The following CD151 variants were observed in gnomAD, a reference collection of about 807,000 sequenced individuals.
CD151 encodes the protein CD151 antigen.
CD151 carries 20 observed loss-of-function variants against 34.2 expected under a neutral mutation model. That is an observed-to-expected ratio of 0.58 (90% CI 0.41 to 0.85). The LOEUF is 0.85. CD151 is among the 40% of genes least tolerant of loss of function. The probability of loss-of-function intolerance (pLI) is 0.00; values close to 1 mark genes in which losing one functional copy is unlikely to be tolerated. For synonymous variants in CD151, 157 were observed against 131.7 expected (o/e 1.19, Z -1.32); for missense variants, 306 against 324.5 (o/e 0.94, Z 0.44).
At chr11:837,039 GA>G (rs1846801671) in intron 5 of CD151, 196 bp downstream of exon 5, 1 of 657,882 alleles carries the variant, frequency 1.5e-6, no homozygotes, top group African/African-American at 1.8e-5. Context: ...AGGGGATCCA[GA>G]AGCTCTCTCT....
rs1846825173 is a variant in CD151, at chr11:837,607, T to C, written c.604T>C (p.Tyr202His). 1 of 1,611,982 alleles carries C rather than the reference T, an allele frequency of 6.2e-7. No homozygotes were observed. Among genetic ancestry groups the C allele is most frequent in the Non-Finnish European group, 8.5e-7 (1 of 1,179,636 alleles). ...CGQRDHASNI[Y>H]KVEGGCITKL... ...GCAGCGAGACCATGCCTCCAACATC[T>C]ACAAGGTGGAGGTGGGTGTGCAGCG... The change falls in exon 7 of 9, where the codon TAC (tyrosine) becomes CAC (histidine). Residue 202 changes from tyrosine to histidine, a missense_variant. Transcript: ENST00000397420.
chr11:833,622 C>G (rs1846626010), intron 1 of CD151, among the ~76,000 whole-genome samples: 1 of 152,206 alleles, frequency 6.6e-6, no homozygotes, highest in Admixed American at 6.5e-5. Context: ...CTGGAAGGCC[C>G]TTTCCCAGGG....
At position 836,789 on chromosome 11, in the gene CD151, C is replaced by T. The variant is rs746609476; in HGVS notation, c.297C>T (p.Ile99=). 37 of 1,612,668 alleles carry T rather than the reference C, an allele frequency of 2.3e-5. No individual in the cohort carries two copies. The highest frequency in any genetic ancestry group is 3.1e-5 in the Non-Finnish European group (36 of 1,179,926). Reference sequence around the variant, plus strand: ...CCCAGTACTTCATCCTGCTCCTCATCATCTTTCTGCTGGAGATCATCGCTG... The same window carrying T: ...CCCAGTACTTCATCCTGCTCCTCATTATCTTTCTGCTGGAGATCATCGCTG... ...LLRLYFILLL[I]IFLLEIIAGI... Residue 99 remains isoleucine (I), a synonymous_variant, in exon 5 of 9, where the codon ATC becomes ATT. Transcript: ENST00000397420.
chr11:833,334 G>T (rs922786237), intron 1 of CD151, among the ~76,000 whole-genome samples: 10 of 152,158 alleles, frequency 6.6e-5, no homozygotes, highest in Middle Eastern at 3.2e-3. Context: ...TTCAGCCCAG[G>T]GGTCCCGGGA....
At chr11:834,273 T>C (rs577082624) in intron 1 of CD151, among the ~76,000 whole-genome samples, 1 of 152,208 alleles carries the variant, frequency 6.6e-6, no homozygotes, top group African/African-American at 2.4e-5. Flanking sequence ...GCAGGAGAAT[T>C]GCTTGAACTC....
In CD151 at chr11:837,245, C is replaced by A. The variant is rs879008514; in HGVS notation, c.352-5C>A. 1 of 1,611,022 alleles carries A rather than the reference C, an allele frequency of 6.2e-7. No individual in the cohort carries two copies. The highest frequency in any genetic ancestry group is 1.6e-4 in the Middle Eastern group (1 of 6,080). On this transcript the variant is annotated splice_region_variant and splice_polypyrimidine_tract_variant and intron_variant, in intron 5 of 8. Transcript: ENST00000397420. The stretch of plus-strand genomic sequence containing the variant: ...AGGCTGAAGTTTCCTGCACCCCAAC[C>A]CCAGCTGAACACGGAGCTCAAGGAG...
chr11:832,963 T>TG lies in CD151; in HGVS notation c.-130dup, dbSNP rs1846563572. The TG allele has an allele frequency of 8.1e-6, 1 of 124,158 alleles. No individual in the cohort carries two copies. The highest frequency in any genetic ancestry group is 2.9e-5 in the African/African-American group (1 of 34,530). 7.7% of individuals were successfully genotyped at this position (124,158 alleles called of 1,614,324 possible). A position where few individuals can be genotyped will look rare whatever the true frequency, so the allele number is the denominator to read the frequency against. On this transcript the variant is annotated 5_prime_UTR_variant, in exon 1 of 9. Coordinates refer to ENST00000397420, the MANE Select transcript of CD151 (RefSeq NM_004357.5). ...GCTCCGGGCCGCGCATTCTCAGCGC[T>TG]GGGAGCCGCCGCCCCCGCAGCTGCT...
chr11:837,917 T>A, intron 7 of CD151, 25 bp from the exon 8 acceptor site: 1 of 1,591,556 alleles, frequency 6.3e-7, no homozygotes, highest in Non-Finnish European at 8.6e-7. Flanking sequence ...TGGGCCCGCC[T>A]TCAACACCCA....
At chr11:834,035 A>C (rs1412955875) in intron 1 of CD151, 2 of 152,040 alleles carry the variant, frequency 1.3e-5, no homozygotes, top group Non-Finnish European at 1.5e-5. Context: ...ATGGGTCTGG[A>C]GCGAAGGCCA....
rs749390228 is a variant in CD151, at chr11:837,534, C to T, written c.531C>T (p.Gly177=). The change falls in exon 7 of 9, where the codon GGC becomes GGT. Residue 177 remains glycine, a synonymous_variant. Transcript: ENST00000397420. ...SEWIRSQEAG[G]RVVPDSCCKT... is the part of the protein sequence containing the mutation. ...GGATCCGCTCACAGGAGGCCGGTGG[C>T]CGTGTGGTCCCAGACAGCTGCTGCA... The T allele has an allele frequency of 1.2e-6, 2 of 1,613,032 alleles. No homozygotes were observed. The highest frequency in any genetic ancestry group is 3.3e-5 in the Admixed American group (2 of 60,010).
rs375059668 is a variant in CD151, at chr11:837,363, G to A, written c.456+9G>A. 941 of 1,611,714 alleles carry A rather than the reference G, an allele frequency of 5.8e-4. No homozygotes were observed. The highest frequency in any genetic ancestry group is 7.6e-4 in the Non-Finnish European group (900 of 1,179,128). ...ACCAGCTGCAGCAGGAGGTGGGTGG[G>A]TGGTGCTGGGAGGGCGCGTGCATCC... is the stretch of plus-strand genomic sequence containing the variant. On this transcript the variant is annotated intron_variant, in intron 6 of 8. Transcript: ENST00000397420.
chr11:836,280 C>T lies in CD151; in HGVS notation c.114C>T (p.Gly38=), dbSNP rs756548739. 3 of 1,612,158 alleles carry T rather than the reference C, an allele frequency of 1.9e-6. No homozygotes were observed. Among genetic ancestry groups the T allele is most frequent in the African/African-American group, 1.3e-5 (1 of 74,964 alleles). The change falls in exon 4 of 9, where the codon GGC becomes GGT. Residue 38 remains glycine (G), a synonymous_variant. Transcript: ENST00000397420. ...CTGGCCTGGCTGTCATGGCAGTGGG[C>T]ATCTGGACGCTGGCCCTCAAGAGTG... ...WLAGLAVMAV[G]IWTLALKSDY...
rs182583025 is a variant in CD151, at chr11:834,219, C to T, written c.-69-311C>T. 1.4e-3 allele frequency among the ~76,000 whole-genome samples: 219 copies of T among 152,180 alleles called. 5 individuals are homozygous for T. In the South Asian group the frequency reaches 0.021, roughly 15 times the overall value. The stretch of plus-strand genomic sequence containing the variant: ...ACTAAAAATACAAACATTAGCTGGG[C>T]GTGGTGGTGGGTGCCTGTAATCCCA... On this transcript the variant is annotated intron_variant, in intron 1 of 8. Coordinates refer to ENST00000397420, the MANE Select transcript of CD151 (RefSeq NM_004357.5).
At chr11:836,522 G>A in intron 4 of CD151, 80 bp downstream of exon 4, 1 of 1,070,896 alleles carries the variant, frequency 9.3e-7, no homozygotes, top group Non-Finnish European at 1.3e-6. Flanking sequence ...TTGAACCTGT[G>A]CCTTGCTGTG....
At chr11:833,828 G>GA (rs1846649397) in intron 1 of CD151, among the ~76,000 whole-genome samples, 2 of 118,366 alleles carry the variant, frequency 1.7e-5, no homozygotes, top group Admixed American at 8.8e-5. Context: ...CCCGCCCCCC[G>GA]GTGGCAGACA....
rs753629231 is a variant in CD151 at position 836,836 on chromosome 11, A to G, written c.344A>G (p.Tyr115Cys). ...GCTGGTATCCTCGCCTACGCCTACT[A>G]CCAGCAGGTGAGGGGCCTGGGCAGG... ...IIAGILAYAYYQQLNTELKEN... is the reference protein window; with the variant it reads ...IIAGILAYAYCQQLNTELKEN... Residue 115 changes from tyrosine to cysteine, a missense_variant, in exon 5 of 9, where the codon TAC becomes TGC. Tyr to Cys is a radical substitution (Grantham distance 194). Transcript: ENST00000397420. The G allele has an allele frequency of 5.0e-6, 8 of 1,612,302 alleles. No homozygotes were observed. Among genetic ancestry groups the G allele is most frequent in the African/African-American group, 1.3e-5 (1 of 74,858 alleles).
At position 836,377 on chromosome 11, in the gene CD151, G is replaced by A. The variant is rs147298858; in HGVS notation, c.211G>A (p.Val71Ile). 7 of 1,612,352 alleles carry A rather than the reference G, an allele frequency of 4.3e-6. No individual in the cohort carries two copies. The highest frequency in any genetic ancestry group is 2.7e-5 in the African/African-American group (2 of 74,946). Residue 71 changes from valine to isoleucine, a missense_variant, in exon 4 of 9, where the codon GTC (valine) becomes ATC (isoleucine). Val to Ile is a conservative substitution (Grantham distance 29, BLOSUM62 3). Coordinates refer to ENST00000397420, the MANE Select transcript of CD151 (RefSeq NM_004357.5). ...AYILVVAGTV[V>I]MVTGVLGCCA... ...CATCCTGGTGGTGGCGGGCACTGTCGTCATGGTGACTGGGGTCTTGGGCTG... is the reference window on the plus strand; with the variant it reads ...CATCCTGGTGGTGGCGGGCACTGTCATCATGGTGACTGGGGTCTTGGGCTG...
intron 1 of CD151, among the ~76,000 whole-genome samples, chr11:833,255 G>T (rs958780043): frequency 1.3e-5 from 2 of 152,180 alleles, no homozygotes; most frequent in Admixed American, 6.5e-5. Context: ...GCGGACTCCG[G>T]GCGGGTTGGG....
chr11:837,731 G>A (rs1590210919), intron 7 of CD151, 113 bp downstream of exon 7: 1 of 1,158,130 alleles, frequency 8.6e-7, no homozygotes, highest in East Asian at 2.5e-5. Context: ...GAGGTGGGGG[G>A]TCACCCCAGT....
Sources: allele counts gnomAD v4.1 joint callset (sites outside exome capture counted in the v4.1 genomes callset), GRCh38; gene constraint gnomAD v4.1.1; transcripts MANE v1.5; gene names NCBI Gene and HGNC (gene_info 2026-07-23, HGNC 2026-07-21).